TXNDC16: variants seen among roughly 807,000 people sequenced by gnomAD.
TXNDC16 encodes thioredoxin domain containing 16.
A neutral mutation model predicts 85.6 loss-of-function variants in TXNDC16; 74 were observed. That is an observed-to-expected ratio of 0.86 (90% CI 0.72 to 1.05). The LOEUF (loss-of-function observed/expected upper bound fraction) is 1.05, where lower values mean the gene tolerates loss of function less well. Ranked by LOEUF, TXNDC16 falls within the 50% of genes least tolerant of loss-of-function variation. The pLI, the probability that TXNDC16 is intolerant of heterozygous loss-of-function variation, is 0.00. For missense variants in TXNDC16, 959 were observed against 947.0 expected (o/e 1.01, Z -0.17); for synonymous variants, 335 against 326.5 (o/e 1.03, Z -0.28).
intron 1 of TXNDC16, among the ~76,000 whole-genome samples, chr14:52,546,934 T>C (rs2037952698): frequency 6.6e-6 from 1 of 152,126 alleles, no homozygotes; most frequent in Non-Finnish European, 1.5e-5. Context: ...CTACAATAAT[T>C]TGGAGGTGAC....
intron 18 of TXNDC16, among the ~76,000 whole-genome samples, chr14:52,449,592 A>C (rs1031723776): frequency 6.6e-6 from 1 of 152,118 alleles, no homozygotes; most frequent in Non-Finnish European, 1.5e-5. Flanking sequence ...CACTACAGAC[A>C]AAATGGGCCT....
chr14:52,530,006 T>A lies in TXNDC16; in HGVS notation c.392+6713A>T, dbSNP rs554668955. ...TAATATATAATTCATATATATAATA[T>A]ATATTATATATTATATGTTATAATT... On this transcript the variant is annotated intron_variant, in intron 6 of 20. Coordinates refer to ENST00000281741, the MANE Select transcript of TXNDC16 (RefSeq NM_020784.3). Among the ~76,000 whole-genome samples, 41 of 104,046 alleles carry A rather than the reference T, an allele frequency of 3.9e-4. No individual in the cohort carries two copies. In the East Asian group the frequency reaches 0.011, roughly 27 times the overall value. The allele number at this position is 104,046 out of a possible 152,430, so 68.3% of individuals were successfully genotyped here.
intron 20 of TXNDC16, among the ~76,000 whole-genome samples, chr14:52,437,652 G>GCAAACTACCTGTCTGA (rs1486238387): frequency 6.6e-6 from 1 of 152,020 alleles, no homozygotes; most frequent in African/African-American, 2.4e-5. Context: ...TAAAATATTA[G>GCAAACTACCTGTCTGA]CAAACTACCT....
chr14:52,542,833 G>C (rs1047517568), intron 3 of TXNDC16, among the ~76,000 whole-genome samples: 4 of 151,896 alleles, frequency 2.6e-5, no homozygotes. Context: ...TATAATAAGG[G>C]AGCCAACAGA....
chr14:52,468,028 A>C (rs1349489543), intron 16 of TXNDC16, among the ~76,000 whole-genome samples: 1 of 152,214 alleles, frequency 6.6e-6, no homozygotes, highest in African/African-American at 2.4e-5. Context: ...TTCCACCTGT[A>C]TGAGGTACAT....
At chr14:52,459,021 G>T (rs1482977105) in intron 16 of TXNDC16, among the ~76,000 whole-genome samples, 2 of 152,006 alleles carry the variant, frequency 1.3e-5, no homozygotes, top group Non-Finnish European at 2.9e-5. Context: ...GGTAAAAACT[G>T]TATATATGCC....
chr14:52,445,809 G>A (rs992272056), intron 18 of TXNDC16, among the ~76,000 whole-genome samples: 1 of 152,136 alleles, frequency 6.6e-6, no homozygotes, highest in Non-Finnish European at 1.5e-5. Flanking sequence ...GCGTAGGTAC[G>A]TAGTAGGCTA....
intron 19 of TXNDC16, 92 bp from the exon 20 acceptor site, chr14:52,439,486 T>C (rs2035116711): frequency 4.4e-6 from 5 of 1,130,332 alleles, no homozygotes; most frequent in Non-Finnish European, 6.2e-6. Context: ...TTTTAAGTAG[T>C]ATCATGCCAG....
intron 1 of TXNDC16, among the ~76,000 whole-genome samples, chr14:52,551,036 G>A (rs551164472): frequency 6.6e-6 from 1 of 152,254 alleles, no homozygotes; most frequent in East Asian, 1.9e-4. Flanking sequence ...CTCATACACT[G>A]CACTCTCTAC....
intron 6 of TXNDC16, among the ~76,000 whole-genome samples, chr14:52,530,092 ATATATTATATATATT>A (rs1420966410): frequency 7.2e-5 from 7 of 97,774 alleles, no homozygotes; most frequent in African/African-American, 1.7e-4. Context: ...TTATGCATTT[ATATATTATATATATT>A]TATATTATAT....
chr14:52,511,480 T>A lies in TXNDC16; in HGVS notation c.606-90A>T, dbSNP rs1054065067. 3.7e-6 allele frequency: 3 copies of A among 802,392 alleles called. No individual in the cohort carries two copies. The African/African-American group carries it at 5.3e-5, about 14-fold the overall frequency. 49.7% of individuals were successfully genotyped at this position (802,392 alleles called of 1,614,324 possible). A position where few individuals can be genotyped will look rare whatever the true frequency, so the allele number is the denominator to read the frequency against. ...CTGTAACAATGAATTTTGTCTTAAG[T>A]CTCATGCTTTTGAATTATTATTTTG... is the stretch of plus-strand genomic sequence containing the variant. On this transcript the variant is annotated intron_variant, in intron 8 of 20. Transcript: ENST00000281741.
chr14:52,446,068 A>G (rs1002132575), intron 18 of TXNDC16, among the ~76,000 whole-genome samples: 5 of 152,172 alleles, frequency 3.3e-5, no homozygotes, highest in Non-Finnish European at 5.9e-5. Flanking sequence ...CAATTTAACA[A>G]CTATCTACAC....
intron 14 of TXNDC16, among the ~76,000 whole-genome samples, chr14:52,481,855 G>C (rs1309806081): frequency 6.6e-6 from 1 of 152,100 alleles, no homozygotes; most frequent in East Asian, 1.9e-4. Flanking sequence ...TCTCTCATTA[G>C]ACCATGAGAC....
chr14:52,501,805 A>T (rs1340039121), intron 9 of TXNDC16, among the ~76,000 whole-genome samples: 1 of 152,194 alleles, frequency 6.6e-6, no homozygotes, highest in Non-Finnish European at 1.5e-5. Context: ...CAGTTTTTTT[A>T]ACCTCAAATG....
chr14:52,473,654 A>G (rs2035956501), intron 14 of TXNDC16, among the ~76,000 whole-genome samples: 1 of 152,220 alleles, frequency 6.6e-6, no homozygotes, highest in African/African-American at 2.4e-5. Flanking sequence ...TAAGGTGCCT[A>G]CAGTATTACA....
rs551077381 is a variant in TXNDC16, at chr14:52,484,206, G to C, written c.1109-1241C>G. On this transcript the variant is annotated intron_variant, in intron 12 of 20. Coordinates refer to ENST00000281741, the MANE Select transcript of TXNDC16 (RefSeq NM_020784.3). ...TTTGCTACAAAACAATAAGGGGGGGGGGTGATTGGAGCAGAATGAGCCATG... is the reference window on the plus strand; with the variant it reads ...TTTGCTACAAAACAATAAGGGGGGGCGGTGATTGGAGCAGAATGAGCCATG... Among the ~76,000 whole-genome samples the C allele has an allele frequency of 4.8e-3, 730 of 150,578 alleles. 4 individuals carry two copies. The highest frequency in any genetic ancestry group is 7.4e-3 in the Non-Finnish European group (503 of 67,620).
At chr14:52,512,573 G>A (rs1016254449) in intron 8 of TXNDC16, among the ~76,000 whole-genome samples, 9 of 152,090 alleles carry the variant, frequency 5.9e-5, no homozygotes, top group African/African-American at 1.9e-4. Flanking sequence ...CCTAGTTAAG[G>A]CTGGACTCCA....
intron 9 of TXNDC16, among the ~76,000 whole-genome samples, chr14:52,496,537 TTACCA>T (rs2036537786): frequency 6.6e-6 from 1 of 151,978 alleles, no homozygotes. Context: ...TTTCTGTCTC[TTACCA>T]TACAAGTTGG....
chr14:52,512,966 C>T (rs56202407), intron 8 of TXNDC16, among the ~76,000 whole-genome samples: 14,674 of 152,036 alleles, frequency 0.097, 827 homozygotes, highest in East Asian at 0.18. Flanking sequence ...ATCTCTCTCA[C>T]TTGCTCAAGT....
Sources: allele counts gnomAD v4.1 joint callset (sites outside exome capture counted in the v4.1 genomes callset), GRCh38; gene constraint gnomAD v4.1.1; transcripts MANE v1.5; gene names NCBI Gene and HGNC (gene_info 2026-07-23, HGNC 2026-07-21).